Variants in BMERB1 observed in about 807,000 individuals in gnomAD.
BMERB1 encodes bMERB domain-containing protein 1.
Under a neutral mutation model 23.6 loss-of-function variants are expected in BMERB1, and 12 were observed. The observed-to-expected ratio is 0.51, with a 90% confidence interval of 0.33 to 0.82. BMERB1 has a LOEUF of 0.82. Among genes scored for constraint, BMERB1 ranks in the 40% least tolerant of loss-of-function variants. The probability of loss-of-function intolerance (pLI) is 0.03; values close to 1 mark genes in which losing one functional copy is unlikely to be tolerated. For missense variants in BMERB1, 247 were observed against 255.4 expected, an observed-to-expected ratio of 0.97 and a Z score of 0.22; for synonymous variants, 122 against 96.6, an observed-to-expected ratio of 1.26 and a Z score of -1.54.
intron 5 of BMERB1, 66 bp downstream of exon 5, chr16:15,583,304 A>G: frequency 1.6e-6 from 2 of 1,283,642 alleles, no homozygotes; most frequent in Non-Finnish European, 2.3e-6. Context: ...GGCCAGGCCC[A>G]CAGTGGATCA....
At chr16:15,440,097 T>C (rs1224281164) in intron 1 of BMERB1, among the ~76,000 whole-genome samples, 1 of 151,662 alleles carries the variant, frequency 6.6e-6, no homozygotes, top group Non-Finnish European at 1.5e-5. Flanking sequence ...ATACAAAAAT[T>C]AGCCAGGCGT....
At chr16:15,464,350 A>G (rs1170842100) in intron 1 of BMERB1, among the ~76,000 whole-genome samples, 1 of 149,164 alleles carries the variant, frequency 6.7e-6, no homozygotes, top group Non-Finnish European at 1.5e-5. Flanking sequence ...AAAGAATGTC[A>G]GGTATGGTGG....
intron 1 of BMERB1, among the ~76,000 whole-genome samples, chr16:15,437,157 A>G (rs1009202451): frequency 6.6e-6 from 1 of 152,066 alleles, no homozygotes; most frequent in Non-Finnish European, 1.5e-5. Flanking sequence ...GTCACAGAAC[A>G]TGCTCAGTGA....
intron 2 of BMERB1, among the ~76,000 whole-genome samples, chr16:15,553,764 G>A (rs1258980823): frequency 6.6e-6 from 1 of 152,152 alleles, no homozygotes. Context: ...GCTATAGTTT[G>A]CCAACCCCAG....
chr16:15,490,026 G>C (rs139765714), intron 1 of BMERB1, among the ~76,000 whole-genome samples: 2,080 of 151,872 alleles, frequency 0.014, 53 homozygotes, highest in African/African-American at 0.049. Context: ...GCCCTCATCC[G>C]GCTAATTTTT....
At chr16:15,454,171 C>CT (rs1419428142) in intron 1 of BMERB1, among the ~76,000 whole-genome samples, 1 of 152,154 alleles carries the variant, frequency 6.6e-6, no homozygotes, top group African/African-American at 2.4e-5. Flanking sequence ...CAGCACAGAG[C>CT]TGCAGAGAAG....
At position 15,568,163 on chromosome 16, in the gene BMERB1, A is replaced by G. The variant is rs1202501265; in HGVS notation, c.304+107A>G. ...AGACAGAGCCTCATTCTTGCAATGCAGTGCTCCCTGACTGCATGTGTCAAA... is the reference window on the plus strand; with the variant it reads ...AGACAGAGCCTCATTCTTGCAATGCGGTGCTCCCTGACTGCATGTGTCAAA... On this transcript the variant is annotated intron_variant, in intron 3 of 5. Transcript: ENST00000300006. 3.4e-6 allele frequency: 3 copies of G among 886,982 alleles called. No homozygotes were observed. In the African/African-American group the frequency reaches 5.0e-5, roughly 15 times the overall value. The allele number at this position is 886,982 out of a possible 1,614,324, so 54.9% of individuals were successfully genotyped here.
intron 2 of BMERB1, among the ~76,000 whole-genome samples, chr16:15,558,862 G>GTGGC (rs2030342136): frequency 6.6e-6 from 1 of 151,756 alleles, no homozygotes. Context: ...TCTCACGTGA[G>GTGGC]TGGCTGTAGG....
intron 3 of BMERB1, among the ~76,000 whole-genome samples, chr16:15,572,372 C>G (rs2150973766): frequency 6.6e-6 from 1 of 152,330 alleles, no homozygotes; most frequent in South Asian, 2.1e-4. Context: ...TGAGCATTTA[C>G]TAGGTGCCCA....
intron 1 of BMERB1, among the ~76,000 whole-genome samples, chr16:15,448,967 G>T (rs1039153159): frequency 3.9e-5 from 6 of 152,140 alleles, no homozygotes; most frequent in Non-Finnish European, 8.8e-5. Flanking sequence ...TATAGGCTGG[G>T]CTAGGTACTT....
At chr16:15,528,470 T>G (rs1430644338) in intron 2 of BMERB1, among the ~76,000 whole-genome samples, 1 of 152,158 alleles carries the variant, frequency 6.6e-6, no homozygotes, top group African/African-American at 2.4e-5. Context: ...TTCCAGAATT[T>G]GTTAGCATGA....
chr16:15,507,738 G>A (rs946618033), intron 1 of BMERB1, among the ~76,000 whole-genome samples: 4 of 152,116 alleles, frequency 2.6e-5, no homozygotes, highest in Non-Finnish European at 5.9e-5. Context: ...AGTTCAGACT[G>A]GAAAGAAGCT....
In BMERB1 at chr16:15,491,738, C is replaced by T. The variant is rs150243907; in HGVS notation, c.107-23567C>T. 7.2e-5 allele frequency among the ~76,000 whole-genome samples: 11 copies of T among 152,280 alleles called. 1 individual carries two copies. Among genetic ancestry groups the T allele is most frequent in the Admixed American group, 2.6e-4 (4 of 15,286 alleles). On this transcript the variant is annotated intron_variant, in intron 1 of 5. Transcript: ENST00000300006. ...GATCCTCTATCTGAAGCATTCTTCC[C>T]CCTCCGTCTTCCCAGGCCAGCTTCT...
At chr16:15,488,827 A>C (rs886775187) in intron 1 of BMERB1, among the ~76,000 whole-genome samples, 3 of 151,638 alleles carry the variant, frequency 2.0e-5, no homozygotes, top group African/African-American at 7.3e-5. Context: ...CAAAAAAAAA[A>C]AAAACAAAGA....
At chr16:15,523,807 G>A (rs1009648242) in intron 2 of BMERB1, among the ~76,000 whole-genome samples, 4 of 152,082 alleles carry the variant, frequency 2.6e-5, no homozygotes, top group African/African-American at 4.8e-5. Flanking sequence ...TTAACATTGT[G>A]CTTCGTGGGA....
chr16:15,506,046 GA>G (rs1252440638), intron 1 of BMERB1, among the ~76,000 whole-genome samples: 1 of 152,112 alleles, frequency 6.6e-6, no homozygotes. Flanking sequence ...GGATCAGATA[GA>G]TCTGGGTTTG....
intron 1 of BMERB1, among the ~76,000 whole-genome samples, chr16:15,470,920 T>C (rs765238151): frequency 4.7e-5 from 6 of 126,856 alleles, no homozygotes; most frequent in Non-Finnish European, 9.5e-5. Context: ...CACTGCAACC[T>C]CTCCCTCCCA....
intron 1 of BMERB1, among the ~76,000 whole-genome samples, chr16:15,508,071 C>G (rs985279912): frequency 6.6e-6 from 1 of 152,106 alleles, no homozygotes; most frequent in African/African-American, 2.4e-5. Flanking sequence ...TAAGAGAGAT[C>G]TTGTTTTAAA....
chr16:15,480,168 A>G (rs897141282), intron 1 of BMERB1, among the ~76,000 whole-genome samples: 5 of 151,332 alleles, frequency 3.3e-5, no homozygotes, highest in Non-Finnish European at 7.4e-5. Flanking sequence ...GCTGGAGTGC[A>G]GTGACACGAT....
Sources: allele counts gnomAD v4.1 joint callset (sites outside exome capture counted in the v4.1 genomes callset), GRCh38; gene constraint gnomAD v4.1.1; transcripts MANE v1.5; gene names NCBI Gene and HGNC (gene_info 2026-07-23, HGNC 2026-07-21).